RPSA2: variants seen among roughly 807,000 people sequenced by gnomAD.
RPSA2 encodes the protein small ribosomal subunit protein uS2B.
the RPSA2 span, among the ~76,000 whole-genome samples, chr19:23,786,911 T>C: frequency 2.0e-5 from 3 of 152,050 alleles, no homozygotes; most frequent in Non-Finnish European, 4.4e-5. Context: ...ACTCTCATCT[T>C]CTGCTTGCAC....
chr19:23,870,551 G>A, the RPSA2 span, among the ~76,000 whole-genome samples: 38 of 152,160 alleles, frequency 2.5e-4, no homozygotes, highest in Admixed American at 4.6e-4. Flanking sequence ...ATTTAAATAA[G>A]CAAACTCAAG....
At chr19:23,851,284 G>C in the RPSA2 span, among the ~76,000 whole-genome samples, 1 of 152,220 alleles carries the variant, frequency 6.6e-6, no homozygotes, top group Non-Finnish European at 1.5e-5. Flanking sequence ...GAGAGCAGCA[G>C]TGGACAGTAA....
chr19:23,799,878 A>C, the RPSA2 span, among the ~76,000 whole-genome samples: 1 of 152,220 alleles, frequency 6.6e-6, no homozygotes, highest in Non-Finnish European at 1.5e-5. Flanking sequence ...TGAATTTAGG[A>C]TGAACTATGT....
At chr19:23,844,164 T>A in the RPSA2 span, among the ~76,000 whole-genome samples, 2 of 152,226 alleles carry the variant, frequency 1.3e-5, no homozygotes, top group Admixed American at 1.3e-4. Flanking sequence ...TAGCACTTTT[T>A]AAATATATCT....
the RPSA2 span, among the ~76,000 whole-genome samples, chr19:23,810,304 G>T: frequency 1.3e-5 from 2 of 150,912 alleles, no homozygotes; most frequent in Non-Finnish European, 2.9e-5. Flanking sequence ...TGAGGCAGGA[G>T]AATGGCGTGA....
the RPSA2 span, chr19:23,807,824 A>C: frequency 4.9e-6 from 2 of 408,552 alleles, no homozygotes; most frequent in Non-Finnish European, 9.7e-6. Flanking sequence ...TGTCTTTTCC[A>C]GGGACTCTTG....
chr19:23,808,272 A>AATT, the RPSA2 span, among the ~76,000 whole-genome samples: 11 of 126,954 alleles, frequency 8.7e-5, no homozygotes, highest in Middle Eastern at 4.5e-3. Flanking sequence ...TACAAAATTA[A>AATT]TTTTTTTTTT....
the RPSA2 span, chr19:23,818,566 G>A: frequency 9.8e-5 from 15 of 152,346 alleles, no homozygotes; most frequent in African/African-American, 3.1e-4. Flanking sequence ...GTAGATTTCC[G>A]AGCCAGCAAA....
the RPSA2 span, among the ~76,000 whole-genome samples, chr19:23,781,564 C>T: frequency 2.0e-5 from 3 of 152,046 alleles, no homozygotes; most frequent in South Asian, 4.2e-4. Context: ...GTCTCGAACT[C>T]CTGACCTCAA....
chr19:23,867,428 T>C, the RPSA2 span, among the ~76,000 whole-genome samples: 1 of 152,202 alleles, frequency 6.6e-6, no homozygotes, highest in East Asian at 1.9e-4. Context: ...AAAACTTTAA[T>C]AACCTAGGAT....
At chr19:23,765,042 G>A in the RPSA2 span, among the ~76,000 whole-genome samples, 3 of 152,332 alleles carry the variant, frequency 2.0e-5, no homozygotes, top group East Asian at 5.8e-4. Flanking sequence ...TTAGAGGACA[G>A]TCTGAGGAGT....
chr19:23,761,042 G>C, the RPSA2 span, among the ~76,000 whole-genome samples: 2 of 148,834 alleles, frequency 1.3e-5, no homozygotes, highest in African/African-American at 5.0e-5. Flanking sequence ...TATATATAGG[G>C]TATATATGTG....
At chr19:23,857,867 T>A in the RPSA2 span, among the ~76,000 whole-genome samples, 3 of 152,170 alleles carry the variant, frequency 2.0e-5, no homozygotes, top group East Asian at 5.8e-4. Context: ...TGGAATTTCT[T>A]TAAAAGTGGA....
chr19:23,850,186 C>T, the RPSA2 span, among the ~76,000 whole-genome samples: 1 of 150,696 alleles, frequency 6.6e-6, no homozygotes, highest in Non-Finnish European at 1.5e-5. Flanking sequence ...GCAGGAGCAT[C>T]CATCCAGATG....
the RPSA2 span, among the ~76,000 whole-genome samples, chr19:23,845,222 G>A: frequency 1.5e-5 from 2 of 137,632 alleles, no homozygotes; most frequent in African/African-American, 5.5e-5. Context: ...TTATTCTATT[G>A]GTCATTCTTA....
At chr19:23,767,686 G>A in the RPSA2 span, among the ~76,000 whole-genome samples, 2 of 150,242 alleles carry the variant, frequency 1.3e-5, no homozygotes, top group African/African-American at 2.5e-5. Context: ...AGTCAGACAT[G>A]TTTGTGTCCC....
the RPSA2 span, among the ~76,000 whole-genome samples, chr19:23,815,699 T>C: frequency 6.6e-6 from 1 of 152,338 alleles, no homozygotes; most frequent in African/African-American, 2.4e-5. Context: ...TTTGTTTTCT[T>C]GTTGATTTTT....
At chr19:23,760,864 C>A in the RPSA2 span, among the ~76,000 whole-genome samples, 1 of 151,056 alleles carries the variant, frequency 6.6e-6, no homozygotes, top group South Asian at 2.1e-4. Context: ...GGGGTTTTAC[C>A]ATTTTGGGCA....
the RPSA2 span, among the ~76,000 whole-genome samples, chr19:23,815,837 A>C: frequency 3.3e-5 from 5 of 152,196 alleles, no homozygotes; most frequent in Admixed American, 2.6e-4. Flanking sequence ...TTATATATAC[A>C]TATACATACA....
Sources: gnomAD v4.1 joint callset for allele counts (sites outside exome capture counted in the v4.1 genomes callset) on GRCh38, gnomAD v4.1.1 for gene constraint, MANE v1.5 for transcripts, NCBI Gene and HGNC (gene_info 2026-07-23, HGNC 2026-07-21) for gene names.